The following ARHGEF10L variants were observed in gnomAD, a reference collection of about 807,000 sequenced individuals.
ARHGEF10L encodes the protein Rho guanine nucleotide exchange factor 10 like.
In ARHGEF10L, 69 loss-of-function variants were observed where a neutral mutation model predicts 141.2. The ratio of observed to expected loss-of-function variants is 0.49; its 90% CI spans 0.40 to 0.60. The LOEUF (loss-of-function observed/expected upper bound fraction) is 0.60, where lower values mean the gene tolerates loss of function less well. Ranked by LOEUF, ARHGEF10L falls within the 20% of genes least tolerant of loss-of-function variation. The pLI is 0.00. For missense variants in ARHGEF10L, 1,482 were observed against 1,734.3 expected (o/e 0.85, Z 2.58); for synonymous variants, 711 against 718.5 (o/e 0.99, Z 0.17).
chr1:17,579,335 C>T (rs2078373488), intron 1 of ARHGEF10L, among the ~76,000 whole-genome samples: 1 of 152,076 alleles, frequency 6.6e-6, no homozygotes, highest in African/African-American at 2.4e-5. Context: ...ACTAACTTTT[C>T]ATTGTCTACC....
At chr1:17,568,895 T>TC (rs2077875997) in intron 1 of ARHGEF10L, among the ~76,000 whole-genome samples, 2 of 151,894 alleles carry the variant, frequency 1.3e-5, no homozygotes, top group Admixed American at 6.6e-5. Context: ...CTGCTCTCCC[T>TC]CCCCCAACAC....
At position 17,656,509 on chromosome 1, in the gene ARHGEF10L, G is replaced by A. The variant is rs1309909692; in HGVS notation, c.2706-45G>A. On this transcript the variant is annotated intron_variant, in intron 24 of 28. Transcript: ENST00000361221. The surrounding 1 kb of genome is among the most constrained non-coding windows in gnomAD (Gnocchi z 4.9). ...GGGCATGGGGGCAGTGAGTGGGTGG[G>A]AGTGCTCAGTGTGTCATGACCGCTT... The A allele has an allele frequency of 1.3e-6, 2 of 1,581,602 alleles. No homozygotes were observed. Among genetic ancestry groups the A allele is most frequent in the Non-Finnish European group, 1.7e-6 (2 of 1,159,080 alleles).
At chr1:17,585,137 G>T (rs2078914244) in intron 2 of ARHGEF10L, among the ~76,000 whole-genome samples, 1 of 152,136 alleles carries the variant, frequency 6.6e-6, no homozygotes, top group Admixed American at 6.5e-5. Context: ...TGCTGATTGG[G>T]AATCCCCTAA....
chr1:17,539,722 G>A lies in ARHGEF10L; in HGVS notation c.-272G>A, dbSNP rs1270057054. ...CGCGTCGCGCACGGCGGCGGCGGCGGGACCAGGCCTCGGAGCGCGGCGGGC... is the reference window on the plus strand; with the variant it reads ...CGCGTCGCGCACGGCGGCGGCGGCGAGACCAGGCCTCGGAGCGCGGCGGGC... On this transcript the variant is annotated 5_prime_UTR_variant, in exon 1 of 29. Transcript: ENST00000361221. The surrounding 1 kb of genome is among the most constrained non-coding windows in gnomAD (Gnocchi z 6.0). 3.4e-5 allele frequency: 5 copies of A among 146,122 alleles called. No individual in the cohort carries two copies. The East Asian group carries it at 8.0e-4, about 23-fold the overall frequency. The allele number at this position is 146,122 out of a possible 1,614,324, so 9.1% of individuals were successfully genotyped here.
In ARHGEF10L at chr1:17,632,405, T is replaced by A. The variant is rs1171658675; in HGVS notation, c.1669T>A (p.Ser557Thr). ...CGGTGACCGCGGGCAGCTAATTAAG[T>A]CCAAGGAGCGTCGGGTCTTCCTGCT... ...VYGDRGQLIK[S>T]KERRVFLLND... Residue 557 changes from serine to threonine, a missense_variant, in exon 16 of 29, where the codon TCC becomes ACC. Transcript: ENST00000361221. 2 of 1,614,040 alleles carry A rather than the reference T, an allele frequency of 1.2e-6. No individual in the cohort carries two copies. The highest frequency in any genetic ancestry group is 1.7e-6 in the Non-Finnish European group (2 of 1,180,024).
intron 4 of ARHGEF10L, among the ~76,000 whole-genome samples, chr1:17,595,343 G>C (rs972313212): frequency 6.6e-6 from 1 of 151,812 alleles, no homozygotes; most frequent in Non-Finnish European, 1.5e-5. Context: ...GGGGTGCAGG[G>C]CCTCTCCATG....
rs766290348 is a variant in ARHGEF10L at position 17,695,270 on chromosome 1, C to T, written c.3297C>T (p.Pro1099=). 2.5e-6 allele frequency: 4 copies of T among 1,587,140 alleles called. No homozygotes were observed. The Admixed American group carries it at 5.2e-5, about 21-fold the overall frequency. ...CCGTGCCTCGGCTGGAAGGCATCCC[C>T]AAGATCACAGGTGAGGCTTTGGGAG... is the stretch of plus-strand genomic sequence containing the variant. ...LLPVPRLEGI[P]KITGKGMVSL... is the part of the protein sequence containing the mutation. The change falls in exon 28 of 29, where the codon CCC becomes CCT. Residue 1099 remains proline, a synonymous_variant. Transcript: ENST00000361221.
At chr1:17,549,061 C>T (rs752720464) in intron 1 of ARHGEF10L, among the ~76,000 whole-genome samples, 49 of 148,668 alleles carry the variant, frequency 3.3e-4, no homozygotes, top group Admixed American at 1.1e-3. Context: ...GTTGCTCTGT[C>T]ACCCCGGCTG....
chr1:17,588,064 A>G (rs2100657400), intron 3 of ARHGEF10L, among the ~76,000 whole-genome samples: 1 of 152,222 alleles, frequency 6.6e-6, no homozygotes, highest in East Asian at 1.9e-4. Flanking sequence ...GTTAAATGGC[A>G]GCTTCTGGGC....
In ARHGEF10L at chr1:17,644,780, A is replaced by G. The variant is rs144184369; in HGVS notation, c.2273-3774A>G. 3.1e-3 allele frequency among the ~76,000 whole-genome samples: 472 copies of G among 152,284 alleles called. 1 individual carries two copies. The highest frequency in any genetic ancestry group is 6.8e-3 in the Middle Eastern group (2 of 294). On this transcript the variant is annotated intron_variant, in intron 21 of 28. Transcript: ENST00000361221. This position sits in a 1 kb window ranked among gnomAD's most constrained non-coding sequence, Gnocchi z 4.5. ...GCGGTGGGCTCAGCTGCCCTCAGTA[A>G]TAGCGACAGTCAGACCATGAGCAGC...
chr1:17,624,899 TC>T (rs1288873304), intron 13 of ARHGEF10L, among the ~76,000 whole-genome samples: 2 of 152,328 alleles, frequency 1.3e-5, no homozygotes, highest in African/African-American at 4.8e-5. Flanking sequence ...TATAGGGGTA[TC>T]TTGGGCATTG....
At chr1:17,602,049 G>T (rs142692758) in intron 4 of ARHGEF10L, 78 bp from the exon 5 acceptor site, 3 of 1,335,368 alleles carry the variant, frequency 2.2e-6, no homozygotes, top group Non-Finnish European at 3.0e-6. Flanking sequence ...ATCATGTCCC[G>T]CTGACCAGGT....
chr1:17,538,310 C>T (rs370161391), upstream of ARHGEF10L, among the ~76,000 whole-genome samples: 1 of 152,228 alleles, frequency 6.6e-6, no homozygotes, highest in East Asian at 1.9e-4. Flanking sequence ...ATCATTTATT[C>T]ACAGCAGGGC....
chr1:17,598,403 A>G (rs1012992792), intron 4 of ARHGEF10L, among the ~76,000 whole-genome samples: 20 of 152,298 alleles, frequency 1.3e-4, no homozygotes, highest in African/African-American at 4.8e-4. Context: ...CACTGTGCCT[A>G]AGAGACTTAT....
At chr1:17,661,170 C>T (rs896503535) in intron 25 of ARHGEF10L, among the ~76,000 whole-genome samples, 3 of 152,104 alleles carry the variant, frequency 2.0e-5, no homozygotes, top group African/African-American at 4.8e-5. Flanking sequence ...CTTGGCCTCC[C>T]GGGTTCAAGT....
At chr1:17,530,203 GT>G in the ARHGEF10L span, among the ~76,000 whole-genome samples, 1 of 152,224 alleles carries the variant, frequency 6.6e-6, no homozygotes, top group South Asian at 2.1e-4. Flanking sequence ...CACCTGGGAT[GT>G]TTGTTGAATG....
At chr1:17,585,157 T>C (rs1195144797) in intron 2 of ARHGEF10L, among the ~76,000 whole-genome samples, 1 of 152,166 alleles carries the variant, frequency 6.6e-6, no homozygotes, top group East Asian at 1.9e-4. Context: ...ATTAAACTTA[T>C]GAGCTACCAG....
chr1:17,634,314 C>G lies in ARHGEF10L; in HGVS notation c.1731-234C>G, dbSNP rs1383396857. ...ACTTCACTTGACTGAGGATCAGTGT[C>G]CTTGTCTGGGATCATCTAAGCTTCC... On this transcript the variant is annotated intron_variant, in intron 16 of 28. Coordinates refer to ENST00000361221, the MANE Select transcript of ARHGEF10L (RefSeq NM_018125.4). 4.4e-6 allele frequency: 3 copies of G among 680,764 alleles called. No individual in the cohort carries two copies. In the East Asian group the frequency reaches 7.8e-5, roughly 18 times the overall value. 42.2% of individuals were successfully genotyped at this position (680,764 alleles called of 1,614,324 possible).
At chr1:17,664,356 G>A in intron 25 of ARHGEF10L, 91 bp from the exon 26 acceptor site, 1 of 1,406,634 alleles carries the variant, frequency 7.1e-7, no homozygotes, top group Admixed American at 2.2e-5. Context: ...GGTGTGGGGG[G>A]CCCTGCTGAG....
Sources: gnomAD v4.1 joint callset for allele counts (sites outside exome capture counted in the v4.1 genomes callset) on GRCh38, gnomAD v4.1.1 for gene constraint, Gnocchi (gnomAD v3.1) non-coding constraint, MANE v1.5 for transcripts, NCBI Gene and HGNC (gene_info 2026-07-23, HGNC 2026-07-21) for gene names.